The following SPATA13 variants were observed in gnomAD, a reference collection of about 807,000 sequenced individuals.
The protein encoded by SPATA13 is spermatogenesis-associated protein 13.
SPATA13 carries 50 observed loss-of-function variants against 104.0 expected under a neutral mutation model. That is an observed-to-expected ratio of 0.48 (90% CI 0.38 to 0.61). The LOEUF is 0.61. Among genes scored for constraint, SPATA13 ranks in the 20% least tolerant of loss-of-function variants. The probability of loss-of-function intolerance (pLI) is 0.00; values close to 1 mark genes in which losing one functional copy is unlikely to be tolerated. For missense variants in SPATA13, 1,524 were observed against 1,690.6 expected (o/e 0.90, Z 1.73); for synonymous variants, 606 against 667.5 (o/e 0.91, Z 1.42).
At chr13:24,027,344 A>T (rs1031054829) in intron 3 of SPATA13, among the ~76,000 whole-genome samples, 1 of 151,758 alleles carries the variant, frequency 6.6e-6, no homozygotes, top group African/African-American at 2.4e-5. Context: ...CATGTTGATC[A>T]GGCTAGTCTT....
At chr13:24,290,323 G>A (rs1314490589) in intron 8 of SPATA13, among the ~76,000 whole-genome samples, 1 of 152,220 alleles carries the variant, frequency 6.6e-6, no homozygotes, top group Non-Finnish European at 1.5e-5. Flanking sequence ...AAATTTGTGG[G>A]AGGGGGACGT....
Position 24,190,034 on chromosome 13 carries a change from A to T in SPATA13, c.-112+29102A>T, listed in dbSNP as rs796908117. On this transcript the variant is annotated intron_variant, in intron 1 of 12. Coordinates refer to ENST00000382108, the MANE Select transcript of SPATA13 (RefSeq NM_001166271.3). The stretch of plus-strand genomic sequence containing the variant: ...TTATTATATAACATAATGATATACA[A>T]TATATATTATTATATAACATATAAT... Among the ~76,000 whole-genome samples, 2 of 75,196 alleles carry T rather than the reference A, an allele frequency of 2.7e-5. 1 individual carries two copies. The highest frequency in any genetic ancestry group is 1.0e-3 in the East Asian group (2 of 1,952). 49.3% of individuals were successfully genotyped at this position (75,196 alleles called of 152,430 possible). A position where few individuals can be genotyped will look rare whatever the true frequency, so the allele number is the denominator to read the frequency against.
intron 3 of SPATA13, among the ~76,000 whole-genome samples, chr13:24,048,682 A>T (rs1001841158): frequency 3.8e-4 from 18 of 47,646 alleles, no homozygotes; most frequent in African/African-American, 5.7e-4. Flanking sequence ...GATCAAAATT[A>T]AAAAAAAGAT....
intron 1 of SPATA13, among the ~76,000 whole-genome samples, chr13:24,162,721 T>C (rs757027309): frequency 6.6e-5 from 10 of 152,206 alleles, no homozygotes; most frequent in Non-Finnish European, 1.3e-4. Flanking sequence ...ATCCCTATAA[T>C]GTAGGATCTA....
chr13:24,126,117 C>T (rs1881207278), intron 3 of SPATA13, among the ~76,000 whole-genome samples: 1 of 152,150 alleles, frequency 6.6e-6, no homozygotes, highest in African/African-American at 2.4e-5. Context: ...TTCCTCCACT[C>T]CCAGTCTGTT....
intron 2 of SPATA13, among the ~76,000 whole-genome samples, chr13:24,016,840 A>T (rs1876735199): frequency 6.6e-6 from 1 of 152,248 alleles, no homozygotes; most frequent in African/African-American, 2.4e-5. Context: ...AGCCTGACAA[A>T]TCCCAGGGTG....
intron 10 of SPATA13, among the ~76,000 whole-genome samples, chr13:24,296,466 T>C (rs1157661961): frequency 6.6e-6 from 1 of 152,264 alleles, no homozygotes; most frequent in Non-Finnish European, 1.5e-5. Flanking sequence ...TTTTGGACGC[T>C]GACATTTAGG....
chr13:24,073,645 G>A (rs1879237046), intron 3 of SPATA13, among the ~76,000 whole-genome samples: 1 of 152,200 alleles, frequency 6.6e-6, no homozygotes, highest in Non-Finnish European at 1.5e-5. Context: ...TCAATGGCAT[G>A]GTTTTCTCAT....
intron 3 of SPATA13, among the ~76,000 whole-genome samples, chr13:24,107,272 C>G: frequency 7.9e-6 from 1 of 126,348 alleles, no homozygotes; most frequent in Non-Finnish European, 1.6e-5. Flanking sequence ...AAAGCTCAAG[C>G]CTGGTTCTCC....
intron 1 of SPATA13, among the ~76,000 whole-genome samples, chr13:24,221,419 T>C (rs569011296): frequency 3.9e-5 from 6 of 152,308 alleles, no homozygotes; most frequent in African/African-American, 1.2e-4. Flanking sequence ...AACGGGGGGC[T>C]GAGACATGTA....
intron 1 of SPATA13, among the ~76,000 whole-genome samples, chr13:24,168,952 A>T (rs911388202): frequency 6.6e-6 from 1 of 152,110 alleles, no homozygotes; most frequent in African/African-American, 2.4e-5. Context: ...TCTACCTTTG[A>T]CTTTTCTTTT....
chr13:24,166,460 G>A (rs1882736432), intron 1 of SPATA13, among the ~76,000 whole-genome samples: 2 of 152,134 alleles, frequency 1.3e-5, no homozygotes, highest in Non-Finnish European at 2.9e-5. Flanking sequence ...CCTGGGGGAC[G>A]GCGTAAACAG....
chr13:24,085,435 C>T (rs1593319690), intron 3 of SPATA13, among the ~76,000 whole-genome samples: 3 of 152,268 alleles, frequency 2.0e-5, no homozygotes, highest in African/African-American at 4.8e-5. Flanking sequence ...CTTCTGCCTG[C>T]TTTTTAATAA....
Position 24,286,097 on chromosome 13 carries a change from C to A in SPATA13, c.2302-117C>A. 1.0e-6 allele frequency: 1 copy of A among 973,024 alleles called. No individual in the cohort carries two copies. Among genetic ancestry groups the A allele is most frequent in the Non-Finnish European group, 1.5e-6 (1 of 657,708 alleles). 60.3% of individuals were successfully genotyped at this position (973,024 alleles called of 1,614,324 possible). A position where few individuals can be genotyped will look rare whatever the true frequency, so the allele number is the denominator to read the frequency against. On this transcript the variant is annotated intron_variant, in intron 5 of 12. Coordinates refer to ENST00000382108, the MANE Select transcript of SPATA13 (RefSeq NM_001166271.3). The surrounding 1 kb of genome is among the most constrained non-coding windows in gnomAD (Gnocchi z 4.9). ...CATAGTCAGTGTGGACCAAATGCCA[C>A]CAGCATATCCAAGTGAGAGGATACC...
intron 3 of SPATA13, among the ~76,000 whole-genome samples, chr13:24,043,316 T>C (rs916426714): frequency 3.6e-5 from 4 of 112,006 alleles, no homozygotes; most frequent in African/African-American, 1.0e-4. Flanking sequence ...TGGTGGATGC[T>C]ACCCTTTTTT....
At chr13:24,080,927 C>T (rs777964209) in intron 3 of SPATA13, among the ~76,000 whole-genome samples, 1 of 152,166 alleles carries the variant, frequency 6.6e-6, no homozygotes. Context: ...CCCCTCACCT[C>T]CTGGAAACAC....
At chr13:24,171,749 G>A (rs1593378726) in intron 1 of SPATA13, among the ~76,000 whole-genome samples, 1 of 152,224 alleles carries the variant, frequency 6.6e-6, no homozygotes, top group Admixed American at 6.5e-5. Flanking sequence ...GATTGGTTAC[G>A]TGAATAACAA....
At chr13:24,110,376 G>A (rs1015814990) in intron 3 of SPATA13, among the ~76,000 whole-genome samples, 2 of 151,978 alleles carry the variant, frequency 1.3e-5, no homozygotes. Flanking sequence ...GACAAACCTT[G>A]GGAGGGGACT....
At chr13:24,105,642 G>T (rs1471794579) in intron 3 of SPATA13, among the ~76,000 whole-genome samples, 5 of 152,088 alleles carry the variant, frequency 3.3e-5, no homozygotes, top group Admixed American at 3.3e-4. Context: ...ATGGAGGAAA[G>T]GATAGAAATG....
Sources: gnomAD v4.1 joint callset for allele counts (sites outside exome capture counted in the v4.1 genomes callset) on GRCh38, gnomAD v4.1.1 for gene constraint, Gnocchi (gnomAD v3.1) non-coding constraint, MANE v1.5 for transcripts, NCBI Gene and HGNC (gene_info 2026-07-23, HGNC 2026-07-21) for gene names.